Variants in CEP128 observed in about 807,000 individuals in gnomAD.
The protein encoded by CEP128 is centrosomal protein 128kDa.
CEP128 carries 132 observed loss-of-function variants against 156.7 expected under a neutral mutation model. The ratio of observed to expected loss-of-function variants is 0.84; its 90% CI spans 0.73 to 0.97. The LOEUF is 0.97. Among genes scored for constraint, CEP128 ranks in the 50% least tolerant of loss-of-function variants. The pLI, the probability that CEP128 is intolerant of heterozygous loss-of-function variation, is 0.00. For missense variants in CEP128, 1,252 were observed against 1,281.9 expected, an observed-to-expected ratio of 0.98 and a Z score of 0.36; for synonymous variants, 469 against 448.9, an observed-to-expected ratio of 1.04 and a Z score of -0.57.
intron 20 of CEP128, among the ~76,000 whole-genome samples, chr14:80,570,712 G>A (rs1002119097): frequency 3.6e-4 from 54 of 152,030 alleles, no homozygotes; most frequent in African/African-American, 1.2e-3. Context: ...ATACAGTGAG[G>A]TTTTATGAGC....
intron 18 of CEP128, among the ~76,000 whole-genome samples, chr14:80,746,185 CCCT>C (rs548217093): frequency 2.6e-5 from 4 of 152,128 alleles, no homozygotes; most frequent in Non-Finnish European, 5.9e-5. Context: ...TCAACAGGAT[CCCT>C]TTCAGAATCC....
intron 20 of CEP128, among the ~76,000 whole-genome samples, chr14:80,567,391 T>C (rs761951526): frequency 6.6e-6 from 1 of 152,140 alleles, no homozygotes; most frequent in Non-Finnish European, 1.5e-5. Flanking sequence ...TATTGGTTTG[T>C]TGGGACAGAT....
intron 19 of CEP128, among the ~76,000 whole-genome samples, chr14:80,704,475 G>T (rs1340686063): frequency 6.6e-6 from 1 of 151,990 alleles, no homozygotes; most frequent in East Asian, 1.9e-4. Flanking sequence ...AAACATATGT[G>T]TGTAGAATAT....
chr14:80,524,918 C>A (rs986431994), intron 23 of CEP128, among the ~76,000 whole-genome samples: 3 of 152,122 alleles, frequency 2.0e-5, no homozygotes, highest in Admixed American at 1.3e-4. Flanking sequence ...TGAACTAGGC[C>A]TGATTCCCTC....
intron 13 of CEP128, among the ~76,000 whole-genome samples, chr14:80,793,706 T>C (rs1325027365): frequency 1.3e-5 from 2 of 152,196 alleles, no homozygotes; most frequent in Non-Finnish European, 2.9e-5. Context: ...ATAGTACAGA[T>C]TTATAAATAC....
chr14:80,879,663 C>T (rs900601202), intron 8 of CEP128, among the ~76,000 whole-genome samples: 4 of 151,224 alleles, frequency 2.6e-5, no homozygotes, highest in Non-Finnish European at 5.9e-5. Context: ...GAAAAAAGAA[C>T]GAAAAAGAGT....
intron 19 of CEP128, among the ~76,000 whole-genome samples, chr14:80,593,384 C>CA (rs1300092076): frequency 2.0e-5 from 3 of 151,374 alleles, no homozygotes; most frequent in Admixed American, 1.3e-4. Flanking sequence ...AAAGAAAACA[C>CA]AAAAAAATTA....
At chr14:80,685,967 A>G (rs1436324848) in intron 19 of CEP128, among the ~76,000 whole-genome samples, 1 of 152,130 alleles carries the variant, frequency 6.6e-6, no homozygotes, top group Non-Finnish European at 1.5e-5. Context: ...CTCAAGATGT[A>G]TTGAATATTA....
At chr14:80,754,274 G>A (rs1048221308) in intron 18 of CEP128, among the ~76,000 whole-genome samples, 2 of 152,002 alleles carry the variant, frequency 1.3e-5, no homozygotes, top group Non-Finnish European at 2.9e-5. Context: ...TCTGTTCTGT[G>A]CCTTTCCTAG....
chr14:80,562,952 C>T (rs547726083), intron 20 of CEP128, among the ~76,000 whole-genome samples: 5 of 152,090 alleles, frequency 3.3e-5, no homozygotes, highest in African/African-American at 1.2e-4. Flanking sequence ...GCATGAACCA[C>T]CACACGTGGG....
intron 19 of CEP128, among the ~76,000 whole-genome samples, chr14:80,678,362 C>G (rs544755142): frequency 1.5e-4 from 22 of 149,384 alleles, no homozygotes; most frequent in African/African-American, 5.5e-4. Context: ...GTTCTCACTC[C>G]ATTCCAAAAA....
intron 8 of CEP128, among the ~76,000 whole-genome samples, chr14:80,893,826 CAAAT>C (rs1441059927): frequency 6.6e-6 from 1 of 151,676 alleles, no homozygotes; most frequent in Non-Finnish European, 1.5e-5. Flanking sequence ...TTTGGATAGA[CAAAT>C]AAACTAGGGG....
intron 19 of CEP128, among the ~76,000 whole-genome samples, chr14:80,698,147 T>C (rs1052855119): frequency 3.9e-5 from 6 of 152,104 alleles, no homozygotes; most frequent in Non-Finnish European, 7.4e-5. Context: ...AAAAATACTT[T>C]ATTTCAGTTA....
chr14:80,502,014 A>C (rs1328544939), intron 24 of CEP128, among the ~76,000 whole-genome samples: 2 of 152,102 alleles, frequency 1.3e-5, no homozygotes, highest in Non-Finnish European at 2.9e-5. Flanking sequence ...ATTTCTGCAT[A>C]AGTTGCTCTT....
intron 23 of CEP128, among the ~76,000 whole-genome samples, chr14:80,508,687 A>G (rs971971947): frequency 4.6e-5 from 7 of 152,222 alleles, no homozygotes; most frequent in Non-Finnish European, 7.3e-5. Context: ...GCTTTTAAAA[A>G]TATCATTTTC....
At chr14:80,900,678 T>C (rs1011849970) in intron 6 of CEP128, among the ~76,000 whole-genome samples, 8 of 152,120 alleles carry the variant, frequency 5.3e-5, no homozygotes, top group Non-Finnish European at 8.8e-5. Context: ...GAGTATGATA[T>C]AGCAGTGAAA....
chr14:80,688,176 T>C (rs748059262), intron 19 of CEP128, among the ~76,000 whole-genome samples: 3 of 152,166 alleles, frequency 2.0e-5, no homozygotes, highest in Non-Finnish European at 2.9e-5. Flanking sequence ...CTAAACTCTA[T>C]GTAGGATAGA....
At chr14:80,629,110 C>T (rs1893856246) in intron 19 of CEP128, among the ~76,000 whole-genome samples, 1 of 149,530 alleles carries the variant, frequency 6.7e-6, no homozygotes, top group East Asian at 2.0e-4. Flanking sequence ...CAGGCCAATA[C>T]AATAGTTTCT....
chr14:80,587,009 G>T (rs1891847820), intron 19 of CEP128, among the ~76,000 whole-genome samples: 1 of 151,126 alleles, frequency 6.6e-6, no homozygotes. Context: ...AATAGTGCTT[G>T]GTATATAAGA....
Sources: allele counts gnomAD v4.1 joint callset (sites outside exome capture counted in the v4.1 genomes callset), GRCh38; gene constraint gnomAD v4.1.1; transcripts MANE v1.5; gene names NCBI Gene and HGNC (gene_info 2026-07-23, HGNC 2026-07-21).